Variants in VAV2 observed in about 807,000 individuals in gnomAD.
VAV2 encodes guanine nucleotide exchange factor VAV2.
VAV2 carries 67 observed loss-of-function variants against 132.5 expected under a neutral mutation model. The ratio of observed to expected loss-of-function variants is 0.51; its 90% CI spans 0.42 to 0.62. VAV2 has a LOEUF of 0.62. VAV2 is among the 20% of genes least tolerant of loss of function. The pLI, the probability that VAV2 is intolerant of heterozygous loss-of-function variation, is 0.00. For synonymous variants in VAV2, 492 were observed against 443.5 expected (o/e 1.11, Z -1.37); for missense variants, 938 against 1,153.6 (o/e 0.81, Z 2.71).
intron 1 of VAV2, among the ~76,000 whole-genome samples, chr9:133,954,632 G>C (rs1841685679): frequency 6.6e-6 from 1 of 152,258 alleles, no homozygotes; most frequent in African/African-American, 2.4e-5. Flanking sequence ...GGGCGGGCGG[G>C]GGATGCTGCT....
At chr9:133,868,804 C>T (rs757042282) in intron 2 of VAV2, among the ~76,000 whole-genome samples, 2 of 152,190 alleles carry the variant, frequency 1.3e-5, no homozygotes, top group Non-Finnish European at 2.9e-5. Flanking sequence ...GTTCCTCCAG[C>T]CAAACCTCAG....
intron 1 of VAV2, among the ~76,000 whole-genome samples, chr9:133,989,600 G>A (rs1315672167): frequency 2.0e-5 from 3 of 151,024 alleles, no homozygotes; most frequent in African/African-American, 4.9e-5. Flanking sequence ...CAGCAGAATC[G>A]CCTGAACCCA....
At chr9:133,876,894 C>T (rs190255730) in intron 2 of VAV2, among the ~76,000 whole-genome samples, 1,535 of 152,176 alleles carry the variant, frequency 0.01, 35 homozygotes, top group Admixed American at 0.054. Flanking sequence ...GCCTGAAGAA[C>T]GGGGACAATG....
At chr9:133,874,237 C>T (rs1281944908) in intron 2 of VAV2, among the ~76,000 whole-genome samples, 1 of 152,260 alleles carries the variant, frequency 6.6e-6, no homozygotes, top group Non-Finnish European at 1.5e-5. Context: ...GTAAACCTGT[C>T]CCAGCAAGAC....
chr9:133,825,758 AG>A (rs1166795545), intron 4 of VAV2, among the ~76,000 whole-genome samples: 1 of 152,136 alleles, frequency 6.6e-6, no homozygotes, highest in African/African-American at 2.4e-5. Flanking sequence ...GGCACAGCAC[AG>A]AGTGGCCAAG....
rs767284259 is a variant in VAV2 at position 133,788,323 on chromosome 9, T to C, written c.1407+31A>G. 6.7e-7 allele frequency: 1 copy of C among 1,498,980 alleles called. No homozygotes were observed. The highest frequency in any genetic ancestry group is 1.8e-5 in the Admixed American group (1 of 56,708). The allele number at this position is 1,498,980 out of a possible 1,614,324, so 92.9% of individuals were successfully genotyped here. The stretch of plus-strand genomic sequence containing the variant: ...TCTCTCCAGGCCACCCCCACGTTCC[T>C]GGGTAGCAGGGGGGACCCGGAAGGC... On this transcript the variant is annotated intron_variant, in intron 15 of 29. Coordinates refer to ENST00000371850, the MANE Select transcript of VAV2 (RefSeq NM_001134398.2). The surrounding 1 kb of genome is among the most constrained non-coding windows in gnomAD (Gnocchi z 5.3).
rs1554818979 is a variant in VAV2, at chr9:133,964,048, T to TAC, written c.205-24831_205-24830dup. On this transcript the variant is annotated intron_variant, in intron 1 of 29. Coordinates refer to ENST00000371850, the MANE Select transcript of VAV2 (RefSeq NM_001134398.2). ...ATATATATATATATATATATATATA[T>TAC]ACATATATATACATATATATAAATG... Among the ~76,000 whole-genome samples, 32 of 80,474 alleles carry TAC rather than the reference T, an allele frequency of 4.0e-4. No individual in the cohort carries two copies. In the Middle Eastern group the frequency reaches 0.016, roughly 41 times the overall value. The allele number at this position is 80,474 out of a possible 152,430, so 52.8% of individuals were successfully genotyped here.
At chr9:133,785,977 C>T in intron 16 of VAV2, 92 bp from the exon 17 acceptor site, 2 of 1,162,254 alleles carry the variant, frequency 1.7e-6, no homozygotes. Context: ...GCAGCATGTG[C>T]ACGTGTGTAT....
At chr9:133,864,919 G>C (rs1037558516) in intron 2 of VAV2, among the ~76,000 whole-genome samples, 1 of 152,202 alleles carries the variant, frequency 6.6e-6, no homozygotes, top group Non-Finnish European at 1.5e-5. Context: ...AACAAAGTTG[G>C]CTTTGCTGAA....
chr9:133,990,286 C>G (rs1002735269), intron 1 of VAV2, among the ~76,000 whole-genome samples: 1 of 152,186 alleles, frequency 6.6e-6, no homozygotes, highest in East Asian at 1.9e-4. Context: ...CCGTCCACCC[C>G]CCAGCAGCAG....
intron 17 of VAV2, among the ~76,000 whole-genome samples, chr9:133,785,147 C>A (rs1564343552): frequency 6.6e-6 from 1 of 152,138 alleles, no homozygotes; most frequent in Non-Finnish European, 1.5e-5. Flanking sequence ...CCCAAAAAGG[C>A]CAGAACACAG....
intron 9 of VAV2, among the ~76,000 whole-genome samples, chr9:133,805,437 G>A (rs781107323): frequency 2.1e-4 from 32 of 152,146 alleles, no homozygotes; most frequent in Non-Finnish European, 2.4e-4. Flanking sequence ...CGAGACTTCC[G>A]TGGCTGGAAA....
chr9:133,789,198 G>C, intron 14 of VAV2, 60 bp downstream of exon 14: 1 of 1,581,346 alleles, frequency 6.3e-7, no homozygotes, highest in Non-Finnish European at 8.7e-7. Context: ...GTGGCTCCCT[G>C]GGAGGGAGAG....
chr9:133,778,993 GCACA>G (rs1833912610), intron 21 of VAV2, 104 bp from the exon 22 acceptor site: 1 of 1,476,634 alleles, frequency 6.8e-7, no homozygotes, highest in South Asian at 1.3e-5. Context: ...GCCTCCCCCA[GCACA>G]CACAGCCTTG....
Position 133,973,036 on chromosome 9 carries a change from TC to T in VAV2, c.204+19038del, listed in dbSNP as rs1842391226. ...CCGTTGCCTGGAACACCAACCAGCC[TC>T]CCTCCTGGAGAGAGATGGGAACGGT... On this transcript the variant is annotated intron_variant, in intron 1 of 29. Coordinates refer to ENST00000371850, the MANE Select transcript of VAV2 (RefSeq NM_001134398.2). 2.6e-5 allele frequency among the ~76,000 whole-genome samples: 4 copies of T among 151,982 alleles called. No homozygotes were observed. In the South Asian group the frequency reaches 8.3e-4, roughly 32 times the overall value.
intron 3 of VAV2, among the ~76,000 whole-genome samples, chr9:133,853,459 G>A (rs1277539194): frequency 2.0e-5 from 3 of 152,110 alleles, no homozygotes; most frequent in South Asian, 2.1e-4. Flanking sequence ...CTCTGCTGAC[G>A]CTTGCTTGTC....
chr9:133,950,402 G>A (rs1396264599), intron 1 of VAV2, among the ~76,000 whole-genome samples: 4 of 152,150 alleles, frequency 2.6e-5, no homozygotes, highest in South Asian at 4.1e-4. Context: ...CCGCCCAGCC[G>A]TGCGTGTTCA....
At chr9:133,977,232 T>C (rs1315524602) in intron 1 of VAV2, among the ~76,000 whole-genome samples, 5 of 152,202 alleles carry the variant, frequency 3.3e-5, no homozygotes, top group African/African-American at 1.2e-4. Flanking sequence ...GGGTGCCTGG[T>C]GTCCATTTGA....
rs141634623 is a variant in VAV2, at chr9:133,910,549, A to G, written c.321+28554T>C. 7.9e-3 allele frequency among the ~76,000 whole-genome samples: 1,196 copies of G among 151,788 alleles called. 20 individuals carry two copies. Among genetic ancestry groups the G allele is most frequent in the African/African-American group, 0.027 (1,120 of 41,358 alleles). ...CAGAAGGCTGGGCGCGGTGGCTCAC[A>G]CCTGTAATCCCAGCACTTTGGGAGG... On this transcript the variant is annotated intron_variant, in intron 2 of 29. Transcript: ENST00000371850.
Sources: allele counts gnomAD v4.1 joint callset (sites outside exome capture counted in the v4.1 genomes callset), GRCh38; gene constraint gnomAD v4.1.1; non-coding constraint Gnocchi (gnomAD v3.1); transcripts MANE v1.5; gene names NCBI Gene and HGNC (gene_info 2026-07-23, HGNC 2026-07-21).